NLRC5: variants seen among roughly 807,000 people sequenced by gnomAD.
NLRC5 encodes the protein NLR family CARD domain containing 5, also known as protein NLRC5.
Under a neutral mutation model 206.9 loss-of-function variants are expected in NLRC5, and 114 were observed. The observed-to-expected ratio is 0.55, with a 90% CI of 0.47 to 0.64. The LOEUF is 0.64. Ranked by LOEUF, NLRC5 falls within the 30% of genes least tolerant of loss-of-function variation. NLRC5 has a pLI of 0.00. For missense variants in NLRC5, 2,008 were observed against 2,305.5 expected (o/e 0.87, Z 2.64); for synonymous variants, 952 against 962.8 (o/e 0.99, Z 0.21).
At chr16:57,067,616 G>C in intron 35 of NLRC5, 120 bp from the exon 36 acceptor site, 1 of 1,316,006 alleles carries the variant, frequency 7.6e-7, no homozygotes, top group Non-Finnish European at 1.1e-6. Flanking sequence ...AGAGCCCCAG[G>C]GTGGCTCAGG....
rs1227910586 is a variant in NLRC5 at position 57,055,341 on chromosome 16, G to T, written c.3660-92G>T. The T allele has an allele frequency of 4.1e-6, 5 of 1,230,916 alleles. No homozygotes were observed. In the African/African-American group the frequency reaches 5.9e-5, roughly 15 times the overall value. 76.2% of individuals were successfully genotyped at this position (1,230,916 alleles called of 1,614,324 possible). A position where few individuals can be genotyped will look rare whatever the true frequency, so the allele number is the denominator to read the frequency against. ...AAGCTTGAGTGGAGACCCACCTGGA[G>T]CCCAGAGGCTGTGCCCTGGGCTAGC... is the stretch of plus-strand genomic sequence containing the variant. On this transcript the variant is annotated intron_variant, in intron 26 of 48. Coordinates refer to ENST00000688547, the MANE Select transcript of NLRC5 (RefSeq NM_001384950.1).
At chr16:57,006,813 C>G (rs950261747) in intron 1 of NLRC5, among the ~76,000 whole-genome samples, 1 of 151,614 alleles carries the variant, frequency 6.6e-6, no homozygotes, top group Admixed American at 6.6e-5. Flanking sequence ...TACATGTCCA[C>G]GGATGAATTT....
intron 3 of NLRC5, 183 bp downstream of exon 3, chr16:57,021,190 G>C: frequency 1.7e-6 from 1 of 584,072 alleles, no homozygotes; most frequent in Non-Finnish European, 3.0e-6. Context: ...CTGGGGCCTG[G>C]AGGACCCCTC....
At chr16:57,062,331 A>C in intron 32 of NLRC5, 3 of 347,216 alleles carry the variant, frequency 8.6e-6, no homozygotes, top group South Asian at 4.6e-5. Context: ...CTAATCTAAA[A>C]TGTCCCCATT....
chr16:57,045,553 G>C, intron 21 of NLRC5, 61 bp downstream of exon 21: 1 of 1,541,334 alleles, frequency 6.5e-7, no homozygotes, highest in East Asian at 2.3e-5. Context: ...GTCTGTTGGA[G>C]GTCCCCCCAC....
intron 1 of NLRC5, chr16:57,013,291 T>C (rs972387281): frequency 6.2e-5 from 38 of 616,178 alleles, no homozygotes; most frequent in Non-Finnish European, 1.0e-4. Flanking sequence ...TGATCACTAA[T>C]ATGTCATTTC....
At chr16:57,033,564 A>G (rs1378858619) in intron 11 of NLRC5, 40 bp from the exon 12 acceptor site, 1 of 1,601,564 alleles carries the variant, frequency 6.2e-7, no homozygotes, top group Non-Finnish European at 8.6e-7. Flanking sequence ...CAGGCCCTAG[A>G]TGCCTGAGCC....
intron 2 of NLRC5, among the ~76,000 whole-genome samples, chr16:57,018,121 C>T (rs62035543): frequency 0.076 from 11,644 of 152,282 alleles, 636 homozygotes; most frequent in Non-Finnish European, 0.097. Context: ...TCACACCATC[C>T]AGGCACTACT....
chr16:57,065,391 C>T (rs1319794424), intron 33 of NLRC5, 93 bp downstream of exon 33: 6 of 827,672 alleles, frequency 7.2e-6, no homozygotes, highest in Non-Finnish European at 1.0e-5. Context: ...GGGGTAATAG[C>T]TGTGTCACCA....
intron 1 of NLRC5, among the ~76,000 whole-genome samples, chr16:56,994,403 G>T (rs1365824445): frequency 1.3e-5 from 2 of 152,166 alleles, no homozygotes. Flanking sequence ...AGTGCATTCA[G>T]CTTCTCCACT....
chr16:57,058,084 G>A lies in NLRC5; in HGVS notation c.3766G>A (p.Gly1256Ser). The A allele has an allele frequency of 6.2e-7, 1 of 1,612,502 alleles. No individual in the cohort carries two copies. The highest frequency in any genetic ancestry group is 8.5e-7 in the Non-Finnish European group (1 of 1,179,284). The change falls in exon 28 of 49, where the codon GGC (glycine) becomes AGC (serine). Residue 1256 changes from glycine to serine, a missense_variant. Physicochemically the swap from Gly to Ser is moderately conservative, Grantham distance 56. Coordinates refer to ENST00000688547, the MANE Select transcript of NLRC5 (RefSeq NM_001384950.1). ...CTACAGTCTCTCAGCAAACCTGCTG[G>A]GCGACAGCGGACTCAGATGCCTTCT... Reference protein sequence around the residue: ...SQVDLSANLLGDSGLRCLLEC... With the variant: ...SQVDLSANLLSDSGLRCLLEC...
At chr16:57,075,597 G>T (rs2068302932) in intron 39 of NLRC5, among the ~76,000 whole-genome samples, 1 of 152,152 alleles carries the variant, frequency 6.6e-6, no homozygotes, top group Non-Finnish European at 1.5e-5. Context: ...AGTAGTGTGG[G>T]TCTAGACTCA....
At position 57,061,522 on chromosome 16, in the gene NLRC5, C is replaced by T. The variant is rs139249521; in HGVS notation, c.4061C>T (p.Thr1354Met). The T allele has an allele frequency of 4.1e-4, 662 of 1,609,914 alleles. 2 individuals are homozygous for T. In the African/African-American group the frequency reaches 8.1e-3, roughly 20 times the overall value. Residue 1354 changes from threonine (T) to methionine (M), a missense_variant, in exon 31 of 49, where the codon ACG becomes ATG. By Grantham distance (81) the Thr-to-Met change is moderately conservative. Coordinates refer to ENST00000688547, the MANE Select transcript of NLRC5 (RefSeq NM_001384950.1). ...ATGLSKSLQL[T>M]ELTLTQCCLG... is the part of the protein sequence containing the mutation. ...GGCTTGAGCAAGTCCCTGCAGCTGACGGAGCTCACGTGAGTGACCCACCCA... is the reference window on the plus strand; with the variant it reads ...GGCTTGAGCAAGTCCCTGCAGCTGATGGAGCTCACGTGAGTGACCCACCCA...
chr16:57,025,983 G>C lies in NLRC5; in HGVS notation c.1040G>C (p.Arg347Pro), dbSNP rs1317479911. The change falls in exon 6 of 49, where the codon CGT (arginine) becomes CCT (proline). Residue 347 changes from arginine (R) to proline (P), a missense_variant. Physicochemically the swap from Arg to Pro is moderately radical, Grantham distance 103 (BLOSUM62 -2). Transcript: ENST00000688547. ...GGCTGCCGGGTGATGGCTACCTCCC[G>C]TCCAGGGAAGCTGCCTGCCTGCCTG... is the stretch of plus-strand genomic sequence containing the variant. Reference protein sequence around the residue: ...LPGCRVMATSRPGKLPACLPA... With the variant: ...LPGCRVMATSPPGKLPACLPA... 6.2e-7 allele frequency: 1 copy of C among 1,613,960 alleles called. No individual in the cohort carries two copies. Among genetic ancestry groups the C allele is most frequent in the Admixed American group, 1.7e-5 (1 of 60,022 alleles).
chr16:56,995,787 G>C (rs2057529707), intron 1 of NLRC5, among the ~76,000 whole-genome samples: 1 of 152,210 alleles, frequency 6.6e-6, no homozygotes, highest in African/African-American at 2.4e-5. Flanking sequence ...TCTCTCAATA[G>C]TCTTATTCAC....
At chr16:57,006,312 A>C (rs1229848919) in intron 1 of NLRC5, among the ~76,000 whole-genome samples, 4 of 151,936 alleles carry the variant, frequency 2.6e-5, no homozygotes, top group Admixed American at 2.6e-4. Context: ...CTTTACACAA[A>C]GGAAGCATAT....
chr16:57,063,178 T>C lies in NLRC5; in HGVS notation c.4154+1477T>C, dbSNP rs1024410969. On this transcript the variant is annotated intron_variant, in intron 32 of 48. Transcript: ENST00000688547. Reference sequence around the variant, plus strand: ...CCTGGGCTGGAGTGCACTGGCTCGATCTCAGCTCACTGCACCCTCCACCTC... The same window carrying C: ...CCTGGGCTGGAGTGCACTGGCTCGACCTCAGCTCACTGCACCCTCCACCTC... Among the ~76,000 whole-genome samples, 6 of 148,266 alleles carry C rather than the reference T, an allele frequency of 4.0e-5. No individual in the cohort carries two copies. The East Asian group carries it at 1.2e-3, about 31-fold the overall frequency.
intron 39 of NLRC5, among the ~76,000 whole-genome samples, chr16:57,075,027 TTTTTTTTTTTTTTTTTTTTTG>T (rs2068207418): frequency 8.0e-6 from 1 of 124,760 alleles, no homozygotes; most frequent in African/African-American, 3.1e-5. Flanking sequence ...TTTTTTTTTT[TTTTTTTTTTTTTTTTTTTTTG>T]AGTTGGGGCC....
chr16:57,028,031 C>A, intron 6 of NLRC5, 41 bp from the exon 7 acceptor site: 1 of 1,474,302 alleles, frequency 6.8e-7, no homozygotes, highest in Non-Finnish European at 9.5e-7. Context: ...TCAGCTCTGC[C>A]CAGCACTGAT....
Sources: gnomAD v4.1 joint callset for allele counts (sites outside exome capture counted in the v4.1 genomes callset) on GRCh38, gnomAD v4.1.1 for gene constraint, MANE v1.5 for transcripts, NCBI Gene and HGNC (gene_info 2026-07-23, HGNC 2026-07-21) for gene names.